Variants in HDX observed in about 807,000 individuals in gnomAD.
HDX encodes highly divergent homeobox.
Under a neutral mutation model 45.2 loss-of-function variants are expected in HDX, and 19 were observed. That is an observed-to-expected ratio of 0.42 (90% CI 0.29 to 0.62). HDX has a LOEUF of 0.62. HDX is among the 20% of genes least tolerant of loss of function. The pLI is 0.20. For missense variants in HDX, 532 were observed against 493.9 expected (o/e 1.08, Z -0.73); for synonymous variants, 188 against 172.8 (o/e 1.09, Z -0.69).
rs1376266541 is a variant in HDX at position 84,322,300 on chromosome X, G to A, written c.1948-286C>T. On this transcript the variant is annotated intron_variant, in intron 10 of 10. Transcript: ENST00000373177. ...ACTCTTCTGAACCAAGTGCTTTGAA[G>A]TGTTTGAGGTTAGTGATTTTCATAC... is the stretch of plus-strand genomic sequence containing the variant. Among the ~76,000 whole-genome samples, 4 of 110,985 alleles carry A rather than the reference G, an allele frequency of 3.6e-5. No individual in the cohort carries two copies. The Admixed American group carries it at 3.8e-4, about 11-fold the overall frequency.
chrX:84,445,858 G>T lies in HDX; in HGVS notation c.1252-5273C>A, dbSNP rs182882718. 6.2e-3 allele frequency among the ~76,000 whole-genome samples: 688 copies of T among 111,468 alleles called. 5 individuals carry two copies. The highest frequency in any genetic ancestry group is 0.021 in the African/African-American group (634 of 30,827). ...TTATGTGATAGAAATCTGGTGCTTA[G>T]AAAACTATTAGCCTGGAAAGTTCAT... is the stretch of plus-strand genomic sequence containing the variant. On this transcript the variant is annotated intron_variant, in intron 4 of 10. Coordinates refer to ENST00000373177, the MANE Select transcript of HDX (RefSeq NM_001177479.2).
chrX:84,464,863 G>T (rs2040312511), intron 4 of HDX, among the ~76,000 whole-genome samples: 1 of 111,682 alleles, frequency 9.0e-6, no homozygotes, highest in African/African-American at 3.3e-5. Context: ...CACAGCAAAA[G>T]AAACTATCAT....
Position 84,321,902 on chromosome X carries a change from G to A in HDX, c.2060C>T (p.Ser687Leu). The A allele has an allele frequency of 8.4e-7, 1 of 1,189,121 alleles. No homozygotes were observed. Among genetic ancestry groups the A allele is most frequent in the Non-Finnish European group, 1.1e-6 (1 of 882,259 alleles). Residue 687 changes from serine to leucine, a missense_variant, in exon 11 of 11, where the codon TCA (serine) becomes TTA (leucine). By Grantham distance (145) the Ser-to-Leu change is moderately radical. This residue lies in a region of HDX where 151 missense variants were observed against 131.8 expected (regional missense o/e 1.15). Transcript: ENST00000373177. ...SVSSLSEKNVSESL is the reference protein window; with the variant it reads ...SVSSLSEKNVLESL ...CTCCAACTGAAATCACAAACTTTCTGAGACATTTTTCTCTGACAAAGAAGA... is the reference window on the plus strand; with the variant it reads ...CTCCAACTGAAATCACAAACTTTCTAAGACATTTTTCTCTGACAAAGAAGA...
chrX:84,471,765 G>A (rs891908259), intron 3 of HDX, among the ~76,000 whole-genome samples: 6 of 110,016 alleles, frequency 5.5e-5, no homozygotes, highest in Non-Finnish European at 1.1e-4. Context: ...AACTCACTCT[G>A]ACTTTCATGA....
chrX:84,368,060 C>T (rs2037804329), intron 5 of HDX, among the ~76,000 whole-genome samples: 1 of 111,540 alleles, frequency 9.0e-6, no homozygotes, highest in Non-Finnish European at 1.9e-5. Context: ...GCATGATGGT[C>T]CCTTTTTTCC....
At chrX:84,485,426 C>G (rs1275936785) in intron 2 of HDX, among the ~76,000 whole-genome samples, 1 of 112,014 alleles carries the variant, frequency 8.9e-6, no homozygotes, top group Non-Finnish European at 1.9e-5. Flanking sequence ...TTGTTTGTAA[C>G]ATAGTCTCAC....
At chrX:84,386,606 T>C (rs1337093824) in intron 5 of HDX, among the ~76,000 whole-genome samples, 1 of 111,991 alleles carries the variant, frequency 8.9e-6, no homozygotes, top group Non-Finnish European at 1.9e-5. Flanking sequence ...CAGGAATTTA[T>C]CTATTTCCTC....
chrX:84,463,645 T>A (rs768712710), intron 4 of HDX, among the ~76,000 whole-genome samples: 15 of 111,037 alleles, frequency 1.4e-4, no homozygotes, highest in African/African-American at 4.9e-4. Context: ...AGTGCCCCAA[T>A]ATCTTCACAA....
chrX:84,377,577 A>T (rs2038086992), intron 5 of HDX, among the ~76,000 whole-genome samples: 1 of 111,529 alleles, frequency 9.0e-6, no homozygotes, highest in Non-Finnish European at 1.9e-5. Context: ...TCAAGCAGAA[A>T]TTCCAGAGCT....
At chrX:84,466,771 A>G (rs906213486) in intron 4 of HDX, among the ~76,000 whole-genome samples, 1 of 111,820 alleles carries the variant, frequency 8.9e-6, no homozygotes, top group Non-Finnish European at 1.9e-5. Context: ...AGCAGAAAAT[A>G]TGATAAATAA....
At chrX:84,326,368 C>A in intron 9 of HDX, 68 bp from the exon 10 acceptor site, 6 of 781,552 alleles carry the variant, frequency 7.7e-6, no homozygotes, top group Non-Finnish European at 1.1e-5. Context: ...GTTTGATGCA[C>A]AATAAAATTC....
intron 5 of HDX, among the ~76,000 whole-genome samples, chrX:84,430,850 C>CT (rs774350061): frequency 2.3e-4 from 25 of 109,378 alleles, no homozygotes; most frequent in East Asian, 1.4e-3. Flanking sequence ...CTTTTTCTCT[C>CT]TTTTTTTTAA....
intron 2 of HDX, among the ~76,000 whole-genome samples, chrX:84,481,077 A>G (rs5967486): frequency 3.1e-4 from 34 of 111,409 alleles, no homozygotes; most frequent in Middle Eastern, 9.4e-3. Context: ...CTTTCAAGGA[A>G]TTGCTCCATT....
chrX:84,372,818 G>C (rs2037930480), intron 5 of HDX, among the ~76,000 whole-genome samples: 1 of 111,420 alleles, frequency 9.0e-6, no homozygotes, highest in African/African-American at 3.3e-5. Flanking sequence ...TTGATTTACA[G>C]TAGGTGAGAG....
intron 8 of HDX, among the ~76,000 whole-genome samples, chrX:84,334,384 A>G (rs970513641): frequency 2.7e-5 from 3 of 110,957 alleles, no homozygotes; most frequent in Non-Finnish European, 5.7e-5. Context: ...TAAAAATAGC[A>G]TGATGATTTG....
At chrX:84,349,403 A>ATGTGTGTGTG (rs58864600) in intron 6 of HDX, among the ~76,000 whole-genome samples, 5 of 68,512 alleles carry the variant, frequency 7.3e-5, no homozygotes, top group African/African-American at 1.2e-4. Context: ...ATATATATAT[A>ATGTGTGTGTG]TGTGTGTGTG....
intron 6 of HDX, among the ~76,000 whole-genome samples, chrX:84,352,599 C>T (rs1602294939): frequency 9.0e-6 from 1 of 111,345 alleles, no homozygotes; most frequent in East Asian, 2.8e-4. Context: ...GGGTATTCAT[C>T]CCCTCAAGCA....
intron 5 of HDX, among the ~76,000 whole-genome samples, chrX:84,435,719 A>T (rs936186531): frequency 2.8e-5 from 3 of 108,966 alleles, no homozygotes; most frequent in African/African-American, 1.0e-4. Flanking sequence ...TCTTTAATCC[A>T]TCTTGAATTG....
intron 6 of HDX, among the ~76,000 whole-genome samples, chrX:84,351,321 T>C (rs1301597591): frequency 1.8e-5 from 2 of 111,160 alleles, no homozygotes; most frequent in African/African-American, 6.5e-5. Context: ...CTCCACTCTT[T>C]CTTATCTGAC....
Sources: gnomAD v4.1 joint callset for allele counts (sites outside exome capture counted in the v4.1 genomes callset) on GRCh38, gnomAD v4.1.1 for gene constraint, gnomAD v4.1.1 regional missense constraint, MANE v1.5 for transcripts, NCBI Gene and HGNC (gene_info 2026-07-23, HGNC 2026-07-21) for gene names.